VPS13B: variants seen among roughly 807,000 people sequenced by gnomAD.
VPS13B encodes the protein intermembrane lipid transfer protein VPS13B.
Under a neutral mutation model 426.4 loss-of-function variants are expected in VPS13B, and 285 were observed. The ratio of observed to expected loss-of-function variants is 0.67; its 90% CI spans 0.61 to 0.74. VPS13B has a LOEUF of 0.74. Ranked by LOEUF, VPS13B falls within the 30% of genes least tolerant of loss-of-function variation. VPS13B has a pLI of 0.00. For missense variants in VPS13B, 4,537 were observed against 4,782.6 expected (o/e 0.95, Z 1.51); for synonymous variants, 1,676 against 1,676.4 (o/e 1.00, Z 0.01).
At chr8:99,283,537 G>A (rs1819273478) in intron 19 of VPS13B, among the ~76,000 whole-genome samples, 1 of 152,148 alleles carries the variant, frequency 6.6e-6, no homozygotes, top group African/African-American at 2.4e-5. Flanking sequence ...TAATTTTGGA[G>A]TTTAGGCTCT....
intron 23 of VPS13B, among the ~76,000 whole-genome samples, chr8:99,452,845 C>A (rs1180004447): frequency 1.3e-5 from 2 of 152,092 alleles, no homozygotes; most frequent in African/African-American, 2.4e-5. Flanking sequence ...ATAGCCAGCT[C>A]CAATCTGTGT....
intron 16 of VPS13B, among the ~76,000 whole-genome samples, chr8:99,185,602 A>G (rs919173083): frequency 7.9e-5 from 12 of 152,196 alleles, no homozygotes; most frequent in Admixed American, 2.6e-4. Flanking sequence ...TTGGGACTCT[A>G]TATAAATCTT....
intron 39 of VPS13B, among the ~76,000 whole-genome samples, chr8:99,758,727 A>G (rs1428437926): frequency 6.6e-6 from 1 of 151,284 alleles, no homozygotes; most frequent in Non-Finnish European, 1.5e-5. Flanking sequence ...ACTCTTACCA[A>G]CCTCCCTCTT....
chr8:99,850,782 C>T (rs962555408), intron 55 of VPS13B, among the ~76,000 whole-genome samples: 2 of 152,080 alleles, frequency 1.3e-5, no homozygotes, highest in Non-Finnish European at 2.9e-5. Context: ...AAAAATTAGC[C>T]AGGCTTGGTG....
chr8:99,504,068 T>C (rs1821373978), intron 27 of VPS13B, among the ~76,000 whole-genome samples: 1 of 152,206 alleles, frequency 6.6e-6, no homozygotes, highest in South Asian at 2.1e-4. Context: ...ATTTGGGTCA[T>C]AGGGGAGGAT....
intron 39 of VPS13B, among the ~76,000 whole-genome samples, chr8:99,757,143 C>T (rs1308810842): frequency 6.6e-6 from 1 of 152,156 alleles, no homozygotes; most frequent in Non-Finnish European, 1.5e-5. Flanking sequence ...TGTTCTTCTG[C>T]TATAATTACC....
At chr8:99,043,742 A>C (rs540907972) in intron 3 of VPS13B, among the ~76,000 whole-genome samples, 16 of 151,840 alleles carry the variant, frequency 1.1e-4, no homozygotes, top group African/African-American at 3.6e-4. Context: ...GTCCATATGG[A>C]TTCTTACATA....
At position 99,102,973 on chromosome 8, in the gene VPS13B, A is replaced by G; in HGVS notation, c.433A>G (p.Arg145Gly). The G allele has an allele frequency of 6.2e-7, 1 of 1,609,080 alleles. No homozygotes were observed. Among genetic ancestry groups the G allele is most frequent in the South Asian group, 1.1e-5 (1 of 90,956 alleles). ...LPPGYVQSLI[R>G]RVVNNVNIVI... ...TATAGGTTATGTGCAGAGTCTGATT[A>G]GACGAGTTGTAAATAATGTAAACAT... is the stretch of plus-strand genomic sequence containing the variant. Residue 145 changes from arginine to glycine, a missense_variant, in exon 5 of 62, where the codon AGA (arginine) becomes GGA (glycine). By Grantham distance (125) the Arg-to-Gly change is moderately radical. Coordinates refer to ENST00000357162, the MANE Select transcript of VPS13B (RefSeq NM_152564.5).
At chr8:99,345,023 C>T (rs935909748) in intron 19 of VPS13B, among the ~76,000 whole-genome samples, 2 of 151,898 alleles carry the variant, frequency 1.3e-5, no homozygotes, top group African/African-American at 4.8e-5. Context: ...TGAGTCTTGC[C>T]CATCTCATTC....
At chr8:99,433,951 G>T (rs189772624) in intron 22 of VPS13B, among the ~76,000 whole-genome samples, 1 of 151,764 alleles carries the variant, frequency 6.6e-6, no homozygotes, top group African/African-American at 2.4e-5. Context: ...AATTACAGGC[G>T]CCCACCACCA....
At chr8:99,281,154 C>T (rs189279920) in intron 19 of VPS13B, among the ~76,000 whole-genome samples, 1 of 152,302 alleles carries the variant, frequency 6.6e-6, no homozygotes, top group East Asian at 1.9e-4. Flanking sequence ...CTCGCGTGCA[C>T]ATTTCACAAC....
At chr8:99,494,842 A>C (rs2133591089) in intron 25 of VPS13B, among the ~76,000 whole-genome samples, 1 of 152,134 alleles carries the variant, frequency 6.6e-6, no homozygotes, top group Non-Finnish European at 1.5e-5. Context: ...TTTGGCTGTA[A>C]GTAAATTCTG....
At chr8:99,719,705 T>G (rs1833061219) in intron 37 of VPS13B, among the ~76,000 whole-genome samples, 1 of 152,196 alleles carries the variant, frequency 6.6e-6, no homozygotes. Flanking sequence ...ATTACTCACA[T>G]GCAGAAAAAT....
chr8:99,309,610 T>C (rs946713608), intron 19 of VPS13B, among the ~76,000 whole-genome samples: 3 of 152,220 alleles, frequency 2.0e-5, no homozygotes, highest in African/African-American at 7.2e-5. Context: ...TGTAGTCACA[T>C]AGTGTGATGC....
chr8:99,481,627 T>C lies in VPS13B; in HGVS notation c.3695T>C (p.Ile1232Thr), dbSNP rs755187653. 8 of 1,613,934 alleles carry C rather than the reference T, an allele frequency of 5.0e-6. No homozygotes were observed. Among genetic ancestry groups the C allele is most frequent in the South Asian group, 4.4e-5 (4 of 91,084 alleles). Residue 1232 changes from isoleucine (I) to threonine (T), a missense_variant, in exon 25 of 62, where the codon ATC (isoleucine) becomes ACC (threonine). By Grantham distance (89) the Ile-to-Thr change is moderately conservative. Around this residue, in one of 2 missense-constraint regions of VPS13B, gnomAD observed 4,311 missense variants for 4,474.3 expected, o/e 0.96. Coordinates refer to ENST00000357162, the MANE Select transcript of VPS13B (RefSeq NM_152564.5). ...CAGCTCTTCTATGAACTAACTGATA[T>C]CATGAATAAGGTCTGGAACAAGATT... ...QVQLFYELTD[I>T]MNKVWNKIQK...
At chr8:99,782,383 A>C (rs759146652) in intron 42 of VPS13B, among the ~76,000 whole-genome samples, 51 of 152,092 alleles carry the variant, frequency 3.4e-4, no homozygotes, top group Non-Finnish European at 6.2e-4. Flanking sequence ...CAGTCTAATT[A>C]TGGAGACAAT....
At chr8:99,141,313 G>A (rs1190407659) in intron 12 of VPS13B, among the ~76,000 whole-genome samples, 1 of 152,142 alleles carries the variant, frequency 6.6e-6, no homozygotes, top group East Asian at 1.9e-4. Context: ...TTTCATTATG[G>A]GGGGCATTGG....
chr8:99,825,248 A>G (rs1251125851), intron 51 of VPS13B, among the ~76,000 whole-genome samples: 1 of 152,070 alleles, frequency 6.6e-6, no homozygotes, highest in Non-Finnish European at 1.5e-5. Context: ...TTGTTTCCTG[A>G]CTTTTTAATG....
Position 99,876,523 on chromosome 8 carries a change from T to A in VPS13B, c.*857T>A, listed in dbSNP as rs1447535800. On this transcript the variant is annotated 3_prime_UTR_variant, in exon 62 of 62. Transcript: ENST00000357162. The stretch of plus-strand genomic sequence containing the variant: ...TCTAGTTCCATAAACAAAACATACA[T>A]AGTGGGAACTCCCTGGTATGCCATA... 6.6e-6 allele frequency: 1 copy of A among 152,230 alleles called. No homozygotes were observed. The highest frequency in any genetic ancestry group is 1.9e-4 in the East Asian group (1 of 5,202). 9.4% of individuals were successfully genotyped at this position (152,230 alleles called of 1,614,324 possible).
Sources: allele counts gnomAD v4.1 joint callset (sites outside exome capture counted in the v4.1 genomes callset), GRCh38; gene constraint gnomAD v4.1.1; regional missense constraint gnomAD v4.1.1; transcripts MANE v1.5; gene names NCBI Gene and HGNC (gene_info 2026-07-23, HGNC 2026-07-21).